MAML3: variants seen among roughly 807,000 people sequenced by gnomAD.
The protein encoded by MAML3 is mastermind-like protein 3.
In MAML3, 27 loss-of-function variants were observed where a neutral mutation model predicts 101.9. That is an observed-to-expected ratio of 0.27 (90% CI 0.20 to 0.37). MAML3 has a LOEUF of 0.37. Among genes scored for constraint, MAML3 ranks in the 10% least tolerant of loss-of-function variants. The probability of loss-of-function intolerance (pLI) is 1.00; values close to 1 mark genes in which losing one functional copy is unlikely to be tolerated. For synonymous variants in MAML3, 501 were observed against 555.9 expected, an observed-to-expected ratio of 0.90 and a Z score of 1.39; for missense variants, 1,316 against 1,444.9, an observed-to-expected ratio of 0.91 and a Z score of 1.45.
intron 2 of MAML3, among the ~76,000 whole-genome samples, chr4:139,882,401 A>G (rs1732237011): frequency 6.6e-6 from 1 of 152,146 alleles, no homozygotes; most frequent in Non-Finnish European, 1.5e-5. Flanking sequence ...ATGAAATTTC[A>G]GGGTAAAGAA....
At chr4:139,965,207 T>G (rs1734106596) in intron 1 of MAML3, among the ~76,000 whole-genome samples, 1 of 152,040 alleles carries the variant, frequency 6.6e-6, no homozygotes, top group African/African-American at 2.4e-5. Flanking sequence ...CTAGTTTTTT[T>G]TTTTTTTTTT....
intron 2 of MAML3, among the ~76,000 whole-genome samples, chr4:139,863,082 G>A (rs1316689071): frequency 7.3e-5 from 11 of 149,768 alleles, no homozygotes; most frequent in Non-Finnish European, 1.0e-4. Context: ...CCCAGGAGGC[G>A]GAGGATGCAG....
rs776559011 is a variant in MAML3 at position 140,152,976 on chromosome 4, G to A, written c.352C>T (p.Leu118=). 3 of 1,610,784 alleles carry A rather than the reference G, an allele frequency of 1.9e-6. No homozygotes were observed. The highest frequency in any genetic ancestry group is 3.4e-5 in the Admixed American group (2 of 59,646). ...CCCGATTTCTTGGCCCTCTGCTCCA[G>A]GGTCCGCTGGTAGAGGCTCACGGTG... is the stretch of plus-strand genomic sequence containing the variant. ...RDTVSLYQRT[L]EQRAKKSGAG... The change falls in exon 1 of 5, where the codon CTG becomes TTG. Residue 118 remains leucine (L), a synonymous_variant. Transcript: ENST00000509479.
chr4:139,896,868 G>C (rs543770878), intron 1 of MAML3, among the ~76,000 whole-genome samples: 1 of 152,162 alleles, frequency 6.6e-6, no homozygotes, highest in African/African-American at 2.4e-5. Flanking sequence ...GAAAGGGGCA[G>C]TGTTTTGGAG....
chr4:139,859,174 A>C (rs781442059), intron 2 of MAML3, among the ~76,000 whole-genome samples: 16 of 152,108 alleles, frequency 1.1e-4, no homozygotes, highest in Non-Finnish European at 2.1e-4. Flanking sequence ...AAAAACATGA[A>C]AAACATCTCT....
intron 1 of MAML3, among the ~76,000 whole-genome samples, chr4:140,030,451 T>C (rs192702210): frequency 7.2e-5 from 11 of 152,304 alleles, no homozygotes; most frequent in Admixed American, 7.2e-4. Context: ...TCAGTTTTAT[T>C]TACTGGACAG....
intron 3 of MAML3, among the ~76,000 whole-genome samples, chr4:139,729,835 T>A (rs1728629824): frequency 6.6e-6 from 1 of 152,226 alleles, no homozygotes; most frequent in Admixed American, 6.5e-5. Context: ...ACTCACAGAT[T>A]TCCTGAGCTG....
At chr4:139,993,044 A>C (rs1734710905) in intron 1 of MAML3, among the ~76,000 whole-genome samples, 1 of 152,200 alleles carries the variant, frequency 6.6e-6, no homozygotes, top group Non-Finnish European at 1.5e-5. Context: ...TTTGGCTGCA[A>C]GAGTGTTTAA....
intron 2 of MAML3, among the ~76,000 whole-genome samples, chr4:139,745,985 G>A (rs1331145129): frequency 6.6e-6 from 1 of 152,182 alleles, no homozygotes; most frequent in Non-Finnish European, 1.5e-5. Flanking sequence ...GCTACTAAAT[G>A]TTTCATTCAC....
intron 1 of MAML3, among the ~76,000 whole-genome samples, chr4:140,099,718 T>G (rs1440213192): frequency 6.7e-6 from 1 of 150,130 alleles, no homozygotes; most frequent in Admixed American, 6.6e-5. Context: ...TCTGAACACA[T>G]GTTTGGCAAT....
chr4:139,842,374 G>A (rs2111146304), intron 2 of MAML3, among the ~76,000 whole-genome samples: 1 of 152,284 alleles, frequency 6.6e-6, no homozygotes, highest in Non-Finnish European at 1.5e-5. Flanking sequence ...TACATACAAG[G>A]AAACTAATTA....
intron 1 of MAML3, among the ~76,000 whole-genome samples, chr4:139,937,438 G>C (rs1733529039): frequency 6.6e-6 from 1 of 151,282 alleles, no homozygotes; most frequent in Non-Finnish European, 1.5e-5. Flanking sequence ...ACCCAGGATA[G>C]TGTGGTGGTG....
intron 1 of MAML3, among the ~76,000 whole-genome samples, chr4:140,028,604 G>A (rs955630998): frequency 6.6e-6 from 1 of 151,880 alleles, no homozygotes; most frequent in Admixed American, 6.6e-5. Context: ...TTAATGAAAC[G>A]GGTCTTCATT....
chr4:139,932,772 C>G (rs1386346220), intron 1 of MAML3, among the ~76,000 whole-genome samples: 1 of 152,174 alleles, frequency 6.6e-6, no homozygotes, highest in Non-Finnish European at 1.5e-5. Context: ...AAAAGACAAT[C>G]AGATCCAGAA....
rs566367413 is a variant in MAML3 at position 139,769,803 on chromosome 4, T to C, written c.2080-39136A>G. Among the ~76,000 whole-genome samples, 48 of 152,178 alleles carry C rather than the reference T, an allele frequency of 3.2e-4. No individual in the cohort carries two copies. In the East Asian group the frequency reaches 3.5e-3, roughly 11 times the overall value. ...GCTAATTTTGTGTTTTTAGTAAAGA[T>C]GGGGTTTCTCCATGTTGGTCAGGCT... On this transcript the variant is annotated intron_variant, in intron 2 of 4. Transcript: ENST00000509479.
intron 1 of MAML3, among the ~76,000 whole-genome samples, chr4:140,131,517 A>G (rs572803637): frequency 7.9e-5 from 12 of 152,264 alleles, no homozygotes; most frequent in Non-Finnish European, 1.8e-4. Flanking sequence ...CAAGCCAGGA[A>G]GGAAAAGTAG....
At chr4:139,790,992 C>T (rs1050425619) in intron 2 of MAML3, among the ~76,000 whole-genome samples, 2 of 151,964 alleles carry the variant, frequency 1.3e-5, no homozygotes, top group African/African-American at 4.8e-5. Flanking sequence ...TTTAAAGAGA[C>T]CAGATTAGCA....
intron 2 of MAML3, among the ~76,000 whole-genome samples, chr4:139,741,886 T>A (rs78250967): frequency 0.84 from 127,720 of 151,864 alleles, 54,366 homozygotes; most frequent in Non-Finnish European, 0.92. Flanking sequence ...ATTGCATTTT[T>A]AAAACGCCCT....
chr4:139,821,532 G>A (rs1407661237), intron 2 of MAML3, among the ~76,000 whole-genome samples: 1 of 152,168 alleles, frequency 6.6e-6, no homozygotes, highest in Non-Finnish European at 1.5e-5. Context: ...ACTGGTCCCT[G>A]GTGCCAAAAA....
Sources: allele counts gnomAD v4.1 joint callset (sites outside exome capture counted in the v4.1 genomes callset), GRCh38; gene constraint gnomAD v4.1.1; transcripts MANE v1.5; gene names NCBI Gene and HGNC (gene_info 2026-07-23, HGNC 2026-07-21).